Variants in EYS observed in about 807,000 individuals in gnomAD.
EYS encodes the protein EGF-like photoreceptor maintenance factor, also known as protein eyes shut homolog.
A neutral mutation model predicts 282.1 loss-of-function variants in EYS; 250 were observed. The ratio of observed to expected loss-of-function variants is 0.89; its 90% CI spans 0.80 to 0.98. EYS has a LOEUF of 0.98. Ranked by LOEUF, EYS falls within the 50% of genes least tolerant of loss-of-function variation. The pLI is 0.00. For missense variants in EYS, 4,016 were observed against 3,709.0 expected (o/e 1.08, Z -2.15); for synonymous variants, 1,355 against 1,282.9 (o/e 1.06, Z -1.20).
intron 33 of EYS, among the ~76,000 whole-genome samples, chr6:64,021,825 G>T (rs936002936): frequency 6.6e-6 from 1 of 152,030 alleles, no homozygotes; most frequent in Non-Finnish European, 1.5e-5. Context: ...AGTTCTCTAG[G>T]CCTCTGTAAG....
At chr6:64,810,149 A>T (rs984960409) in intron 22 of EYS, among the ~76,000 whole-genome samples, 1 of 152,038 alleles carries the variant, frequency 6.6e-6, no homozygotes, top group Non-Finnish European at 1.5e-5. Flanking sequence ...AATTCCCCTG[A>T]CTTGAAGAAA....
At chr6:63,987,633 T>C (rs961749908) in intron 34 of EYS, among the ~76,000 whole-genome samples, 3 of 151,666 alleles carry the variant, frequency 2.0e-5, no homozygotes, top group African/African-American at 7.3e-5. Flanking sequence ...GCAACATTTG[T>C]GTGGGTAACA....
rs1582234368 is a variant in EYS at position 64,076,318 on chromosome 6, G to C, written c.6571+5538C>G. ...TGAATAACTCAGAAACAAAACTTAAGAACTATTCTAGCCAAGTACCTATGC... is the reference window on the plus strand; with the variant it reads ...TGAATAACTCAGAAACAAAACTTAACAACTATTCTAGCCAAGTACCTATGC... On this transcript the variant is annotated intron_variant, in intron 32 of 42. Transcript: ENST00000503581. Among the ~76,000 whole-genome samples, 3 of 151,918 alleles carry C rather than the reference G, an allele frequency of 2.0e-5. No homozygotes were observed. The South Asian group carries it at 6.2e-4, about 31-fold the overall frequency.
intron 12 of EYS, among the ~76,000 whole-genome samples, chr6:65,120,442 TC>T (rs1355612455): frequency 8.9e-6 from 1 of 112,624 alleles, no homozygotes; most frequent in Non-Finnish European, 2.0e-5. Flanking sequence ...CAGACATTAC[TC>T]TTTTTCTTTA....
intron 12 of EYS, among the ~76,000 whole-genome samples, chr6:65,058,068 A>C (rs1427638533): frequency 6.6e-6 from 1 of 152,174 alleles, no homozygotes; most frequent in African/African-American, 2.4e-5. Context: ...TGTTAGGTGA[A>C]AGGAAATAAA....
intron 26 of EYS, among the ~76,000 whole-genome samples, chr6:64,440,418 T>A (rs1774901022): frequency 6.6e-6 from 1 of 152,046 alleles, no homozygotes; most frequent in Non-Finnish European, 1.5e-5. Context: ...AGGTTCAAAA[T>A]AGTGCCAGGA....
chr6:65,318,514 T>C (rs1352701037), intron 11 of EYS, among the ~76,000 whole-genome samples: 1 of 146,898 alleles, frequency 6.8e-6, no homozygotes, highest in African/African-American at 2.5e-5. Context: ...TGGTCACCAC[T>C]GATCCTGGTT....
chr6:64,118,969 A>G (rs1773481190), intron 31 of EYS, among the ~76,000 whole-genome samples: 2 of 152,182 alleles, frequency 1.3e-5, no homozygotes, highest in Admixed American at 1.3e-4. Context: ...CTAATCAGGG[A>G]AATGCAAATT....
intron 35 of EYS, among the ~76,000 whole-genome samples, chr6:63,972,981 A>T (rs1766656890): frequency 6.6e-6 from 1 of 152,128 alleles, no homozygotes; most frequent in Non-Finnish European, 1.5e-5. Flanking sequence ...TATTGTGAAT[A>T]GTGCTGCAAT....
chr6:65,564,410 C>T (rs9453330), intron 2 of EYS, among the ~76,000 whole-genome samples: 82,077 of 151,854 alleles, frequency 0.54, 22,164 homozygotes, highest in East Asian at 0.7. Flanking sequence ...AGCATGGTAC[C>T]GGTACCAAAA....
At chr6:64,352,072 C>T (rs1488189274) in intron 29 of EYS, among the ~76,000 whole-genome samples, 2 of 151,522 alleles carry the variant, frequency 1.3e-5, no homozygotes, top group Admixed American at 6.6e-5. Flanking sequence ...CTTTACTTCA[C>T]ATGTTTCTTT....
intron 22 of EYS, among the ~76,000 whole-genome samples, chr6:64,648,355 C>T (rs903403037): frequency 7.2e-5 from 11 of 152,146 alleles, no homozygotes; most frequent in African/African-American, 2.7e-4. Flanking sequence ...AGCTGTTTTC[C>T]TACCTAGCCA....
chr6:64,009,626 C>T (rs1768512956), intron 33 of EYS, among the ~76,000 whole-genome samples: 1 of 152,122 alleles, frequency 6.6e-6, no homozygotes, highest in Non-Finnish European at 1.5e-5. Flanking sequence ...CTTTCATCTC[C>T]TGTATCTTTT....
At chr6:64,917,220 G>A (rs1175572154) in intron 15 of EYS, among the ~76,000 whole-genome samples, 1 of 149,422 alleles carries the variant, frequency 6.7e-6, no homozygotes, top group Non-Finnish European at 1.5e-5. Flanking sequence ...CTGCATTCCA[G>A]CCTGGGTGAC....
chr6:64,531,577 T>G (rs2150532070), intron 26 of EYS, among the ~76,000 whole-genome samples: 1 of 148,816 alleles, frequency 6.7e-6, no homozygotes, highest in Admixed American at 6.7e-5. Context: ...TATTTTATTT[T>G]ATTTTATTTT....
chr6:64,572,169 A>G (rs1334669586), intron 26 of EYS, among the ~76,000 whole-genome samples: 1 of 152,240 alleles, frequency 6.6e-6, no homozygotes, highest in Non-Finnish European at 1.5e-5. Context: ...AACCAATAAC[A>G]AAAACTGCAT....
At chr6:65,416,010 C>A (rs1241924611) in intron 5 of EYS, among the ~76,000 whole-genome samples, 1 of 151,622 alleles carries the variant, frequency 6.6e-6, no homozygotes, top group East Asian at 1.9e-4. Context: ...GAGAGAGGAA[C>A]AAGAAATTGA....
At chr6:65,256,061 G>T (rs1355124314) in intron 12 of EYS, among the ~76,000 whole-genome samples, 1 of 151,964 alleles carries the variant, frequency 6.6e-6, no homozygotes, top group Non-Finnish European at 1.5e-5. Flanking sequence ...GCTGCTTGCA[G>T]CACTAATGAC....
chr6:63,824,381 G>GA (rs1644069086), intron 36 of EYS, among the ~76,000 whole-genome samples: 1 of 152,034 alleles, frequency 6.6e-6, no homozygotes, highest in African/African-American at 2.4e-5. Flanking sequence ...AAATTAATGA[G>GA]AAAAAGGAAG....
Sources: gnomAD v4.1 joint callset for allele counts (sites outside exome capture counted in the v4.1 genomes callset) on GRCh38, gnomAD v4.1.1 for gene constraint, MANE v1.5 for transcripts, NCBI Gene and HGNC (gene_info 2026-07-23, HGNC 2026-07-21) for gene names.